Variants in MME observed in about 807,000 individuals in gnomAD.
MME encodes the protein membrane metalloendopeptidase.
MME carries 98 observed loss-of-function variants against 113.2 expected under a neutral mutation model. The ratio of observed to expected loss-of-function variants is 0.87; its 90% CI spans 0.74 to 1.02. MME has a LOEUF of 1.02. Ranked by LOEUF, MME falls within the 50% of genes least tolerant of loss-of-function variation. The probability of loss-of-function intolerance (pLI) is 0.00; values close to 1 mark genes in which losing one functional copy is unlikely to be tolerated. For synonymous variants in MME, 292 were observed against 300.6 expected (o/e 0.97, Z 0.30); for missense variants, 836 against 896.0 (o/e 0.93, Z 0.86).
chr3:155,179,135 C>T (rs1712832920), intron 22 of MME, among the ~76,000 whole-genome samples: 1 of 152,154 alleles, frequency 6.6e-6, no homozygotes, highest in Admixed American at 6.6e-5. Flanking sequence ...CATGTACTGA[C>T]TGGTGAGTAA....
At chr3:155,147,098 G>C (rs1721572816) in intron 14 of MME, 46 bp from the exon 15 acceptor site, 1 of 1,253,150 alleles carries the variant, frequency 8.0e-7, no homozygotes, top group African/African-American at 1.5e-5. Flanking sequence ...ATTTGTATCT[G>C]AAAGTTATAT....
At position 155,166,899 on chromosome 3, in the gene MME, TA is replaced by T; in HGVS notation, c.1661-2del. On this transcript the variant is annotated splice_acceptor_variant, in intron 17 of 22. Coordinates refer to ENST00000360490, the MANE Select transcript of MME (RefSeq NM_007289.4). LOFTEE classifies it high-confidence loss of function. Reference sequence around the variant, plus strand: ...AATCTCTAACTATCTTCTCTCCTTGTAGTCTTCCCAGCCGGCATTCTGCAGC... The same window carrying T: ...AATCTCTAACTATCTTCTCTCCTTGTGTCTTCCCAGCCGGCATTCTGCAGC... 6.2e-7 allele frequency: 1 copy of T among 1,613,616 alleles called. No homozygotes were observed. The highest frequency in any genetic ancestry group is 1.1e-5 in the South Asian group (1 of 91,090).
rs115122701 is a variant in MME, at chr3:155,111,640, C to T, written c.197-3354C>T. Among the ~76,000 whole-genome samples the T allele has an allele frequency of 3.1e-3, 469 of 152,122 alleles. 3 individuals are homozygous for T. Among genetic ancestry groups the T allele is most frequent in the African/African-American group, 0.011 (444 of 41,492 alleles). The stretch of plus-strand genomic sequence containing the variant: ...CTTTTTATTCAGAGTGTTTAAGGAC[C>T]GGTGGTATTTCCAAATAGGCAGTAG... On this transcript the variant is annotated intron_variant, in intron 3 of 22. Transcript: ENST00000360490.
chr3:155,138,338 C>G, intron 9 of MME, 102 bp downstream of exon 9: 3 of 1,240,488 alleles, frequency 2.4e-6, no homozygotes, highest in Non-Finnish European at 3.5e-6. Context: ...GCACTTTAAC[C>G]AAGTAGTAAA....
At chr3:155,180,188 TA>T (rs1041753263) in intron 22 of MME, among the ~76,000 whole-genome samples, 171 bp from the exon 23 acceptor site, 2 of 152,230 alleles carry the variant, frequency 1.3e-5, no homozygotes, top group African/African-American at 4.8e-5. Flanking sequence ...CTTCTCCATT[TA>T]AAAATTCTGT....
At chr3:155,074,832 T>G (rs531967471), upstream of MME, among the ~76,000 whole-genome samples, 17 of 152,306 alleles carry the variant, frequency 1.1e-4, no homozygotes, top group African/African-American at 3.8e-4. Flanking sequence ...TCCAAAAATG[T>G]GTTATGAAAA....
chr3:155,091,774 T>C (rs1667531198), intron 3 of MME, among the ~76,000 whole-genome samples: 1 of 152,184 alleles, frequency 6.6e-6, no homozygotes, highest in Non-Finnish European at 1.5e-5. Flanking sequence ...AGGAGAATGT[T>C]GCACAAGCTT....
chr3:155,126,552 T>A (rs1317864755), intron 8 of MME, among the ~76,000 whole-genome samples: 5 of 152,166 alleles, frequency 3.3e-5, no homozygotes, highest in East Asian at 1.9e-4. Context: ...TGTTTTTTTT[T>A]AAATTTTGAA....
chr3:155,155,882 A>G (rs16824625), intron 16 of MME, among the ~76,000 whole-genome samples: 3,168 of 152,304 alleles, frequency 0.021, 63 homozygotes, highest in East Asian at 0.11. Context: ...AGCAAAGACT[A>G]AAAAGATTGT....
chr3:155,036,839 C>T (rs1713145673), intron 1 of MME, among the ~76,000 whole-genome samples: 1 of 152,078 alleles, frequency 6.6e-6, no homozygotes, highest in South Asian at 2.1e-4. Context: ...TAAAACCTTT[C>T]TCCTATGCCT....
At chr3:155,082,350 T>C (rs1715227678) in intron 1 of MME, among the ~76,000 whole-genome samples, 1 of 152,238 alleles carries the variant, frequency 6.6e-6, no homozygotes, top group Non-Finnish European at 1.5e-5. Context: ...GGAAATACTT[T>C]AGCAAATGTG....
chr3:155,054,761 G>T (rs923759225), intron 1 of MME, among the ~76,000 whole-genome samples: 2 of 152,184 alleles, frequency 1.3e-5, no homozygotes, highest in Non-Finnish European at 2.9e-5. Context: ...AGGTTGCAGT[G>T]AGCCAAGATC....
At chr3:155,133,512 G>A (rs1445709814) in intron 8 of MME, among the ~76,000 whole-genome samples, 1 of 151,380 alleles carries the variant, frequency 6.6e-6, no homozygotes, top group Non-Finnish European at 1.5e-5. Context: ...AGGATAAAGA[G>A]ACTGGAGCAG....
chr3:155,171,863 A>G (rs962600178), intron 20 of MME, among the ~76,000 whole-genome samples: 2 of 152,214 alleles, frequency 1.3e-5, no homozygotes, highest in Non-Finnish European at 2.9e-5. Flanking sequence ...TTCAGTTGAC[A>G]TTTATTGATC....
At chr3:155,070,200 G>A (rs1714508237) in intron 1 of MME, among the ~76,000 whole-genome samples, 1 of 151,996 alleles carries the variant, frequency 6.6e-6, no homozygotes, top group Non-Finnish European at 1.5e-5. Context: ...TAATTTTTCT[G>A]GCCTAGTTTT....
At chr3:155,090,920 C>T (rs540336788) in intron 3 of MME, among the ~76,000 whole-genome samples, 1 of 152,318 alleles carries the variant, frequency 6.6e-6, no homozygotes, top group Non-Finnish European at 1.5e-5. Flanking sequence ...TCCTGGCTGT[C>T]ACAAGGCATC....
At chr3:155,069,766 A>T (rs553546586) in intron 1 of MME, among the ~76,000 whole-genome samples, 4 of 152,288 alleles carry the variant, frequency 2.6e-5, no homozygotes, top group Admixed American at 2.6e-4. Flanking sequence ...ATGAGTAAAA[A>T]GCAATACCAT....
At chr3:155,100,070 G>C (rs1266231588) in intron 3 of MME, among the ~76,000 whole-genome samples, 1 of 152,158 alleles carries the variant, frequency 6.6e-6, no homozygotes, top group Non-Finnish European at 1.5e-5. Context: ...TTAAACTAAA[G>C]AGCTTCTGCG....
chr3:155,091,694 A>G (rs1405142850), intron 3 of MME, among the ~76,000 whole-genome samples: 1 of 152,230 alleles, frequency 6.6e-6, no homozygotes, highest in Non-Finnish European at 1.5e-5. Flanking sequence ...CTTTGATATG[A>G]TATGAAGCTC....
Sources: gnomAD v4.1 joint callset for allele counts (sites outside exome capture counted in the v4.1 genomes callset) on GRCh38, gnomAD v4.1.1 for gene constraint, MANE v1.5 for transcripts, NCBI Gene and HGNC (gene_info 2026-07-23, HGNC 2026-07-21) for gene names.